Variants in RAB22A observed in about 807,000 individuals in gnomAD.
The protein encoded by RAB22A is ras-related protein Rab-22A.
Under a neutral mutation model 30.2 loss-of-function variants are expected in RAB22A, and 13 were observed. The observed-to-expected ratio is 0.43, with a 90% CI of 0.28 to 0.68. RAB22A has a LOEUF of 0.68. Ranked by LOEUF, RAB22A falls within the 30% of genes least tolerant of loss-of-function variation. The probability of loss-of-function intolerance (pLI) is 0.18; values close to 1 mark genes in which losing one functional copy is unlikely to be tolerated. For synonymous variants in RAB22A, 89 were observed against 87.2 expected (o/e 1.02, Z -0.11); for missense variants, 177 against 246.8 (o/e 0.72, Z 1.89).
intron 2 of RAB22A, among the ~76,000 whole-genome samples, chr20:58,336,311 C>T (rs913065061): frequency 2.7e-5 from 4 of 149,156 alleles, no homozygotes; most frequent in African/African-American, 7.4e-5. Flanking sequence ...GGCGCCCGGC[C>T]GCTGGTTTTT....
At chr20:58,338,801 C>T (rs1276983926) in intron 2 of RAB22A, among the ~76,000 whole-genome samples, 1 of 152,170 alleles carries the variant, frequency 6.6e-6, no homozygotes, top group Non-Finnish European at 1.5e-5. Flanking sequence ...CTTTTTATGT[C>T]TCAATCTTGG....
At chr20:58,333,307 A>AAATAAATAAATAAATCAATC (rs1193519347) in intron 2 of RAB22A, among the ~76,000 whole-genome samples, 2 of 151,652 alleles carry the variant, frequency 1.3e-5, no homozygotes, top group South Asian at 4.2e-4. Flanking sequence ...ATAAATAAAT[A>AAATAAATAAATAAATCAATC]AATCCCGCCA....
intron 2 of RAB22A, among the ~76,000 whole-genome samples, chr20:58,336,058 G>T (rs983794950): frequency 6.6e-6 from 1 of 152,126 alleles, no homozygotes; most frequent in Non-Finnish European, 1.5e-5. Flanking sequence ...CGCCCAGGGT[G>T]GAGTGCAGTG....
At position 58,310,590 on chromosome 20, in the gene RAB22A, C is replaced by T. The variant is rs150637154; in HGVS notation, c.37-453C>T. 3.3e-5 allele frequency among the ~76,000 whole-genome samples: 5 copies of T among 152,294 alleles called. No homozygotes were observed. The East Asian group carries it at 7.7e-4, about 24-fold the overall frequency. ...TTGTCAGGAAAGACAAGGTGTTGGC[C>T]ATTTCAAAGCCTTCTTTCTGAAATT... On this transcript the variant is annotated intron_variant, in intron 1 of 6. Transcript: ENST00000244040.
chr20:58,337,006 T>A (rs1986767879), intron 2 of RAB22A, among the ~76,000 whole-genome samples: 1 of 152,206 alleles, frequency 6.6e-6, no homozygotes, highest in Non-Finnish European at 1.5e-5. Context: ...TCCTCGCCCA[T>A]CTTCTCCCTC....
intron 2 of RAB22A, among the ~76,000 whole-genome samples, chr20:58,323,215 G>GGTAAA (rs1176703204): frequency 6.6e-6 from 1 of 151,888 alleles, no homozygotes; most frequent in Non-Finnish European, 1.5e-5. Flanking sequence ...TATGTTTAGT[G>GGTAAA]CAGTTTTATG....
chr20:58,311,685 T>C (rs1436656246), intron 2 of RAB22A, among the ~76,000 whole-genome samples: 1 of 152,248 alleles, frequency 6.6e-6, no homozygotes, highest in Non-Finnish European at 1.5e-5. Context: ...ACTAATCCTT[T>C]GACTACATAA....
intron 2 of RAB22A, among the ~76,000 whole-genome samples, chr20:58,322,390 A>C (rs183902390): frequency 1.8e-4 from 28 of 152,370 alleles, no homozygotes; most frequent in Non-Finnish European, 3.4e-4. Flanking sequence ...TACTAGCCAC[A>C]TGTTAAAATT....
chr20:58,324,606 C>T (rs1375147489), intron 2 of RAB22A, among the ~76,000 whole-genome samples: 1 of 152,166 alleles, frequency 6.6e-6, no homozygotes, highest in Non-Finnish European at 1.5e-5. Flanking sequence ...CAGTGGCTCA[C>T]GCCTGTAATC....
chr20:58,358,464 C>T (rs1469248423), intron 6 of RAB22A, among the ~76,000 whole-genome samples: 4 of 152,164 alleles, frequency 2.6e-5, no homozygotes, highest in African/African-American at 9.7e-5. Context: ...CACACATACT[C>T]GTAAGTTCAG....
intron 2 of RAB22A, among the ~76,000 whole-genome samples, chr20:58,326,101 G>C (rs1986565149): frequency 6.6e-6 from 1 of 151,822 alleles, no homozygotes; most frequent in Non-Finnish European, 1.5e-5. Flanking sequence ...CTAGGAATGT[G>C]TTTTGCCTTG....
chr20:58,353,204 T>C, intron 3 of RAB22A, 69 bp from the exon 4 acceptor site: 2 of 1,379,652 alleles, frequency 1.4e-6, no homozygotes, highest in Non-Finnish European at 1.0e-6. Context: ...ATAATGGGCT[T>C]ATAAATCTAG....
chr20:58,352,876 A>G (rs1394809730), intron 3 of RAB22A, among the ~76,000 whole-genome samples: 1 of 152,258 alleles, frequency 6.6e-6, no homozygotes, highest in East Asian at 1.9e-4. Context: ...TGACACCCAA[A>G]TGCAGCTACT....
At chr20:58,355,938 A>C (rs1445995276) in intron 6 of RAB22A, among the ~76,000 whole-genome samples, 1 of 152,238 alleles carries the variant, frequency 6.6e-6, no homozygotes, top group East Asian at 1.9e-4. Flanking sequence ...GCTCAAGCTA[A>C]AATGTCTAAG....
intron 2 of RAB22A, among the ~76,000 whole-genome samples, chr20:58,332,651 C>A (rs768749413): frequency 1.3e-5 from 2 of 152,052 alleles, no homozygotes; most frequent in African/African-American, 2.4e-5. Context: ...ATTGGCTTCC[C>A]TGAAAGAAAG....
intron 3 of RAB22A, among the ~76,000 whole-genome samples, chr20:58,351,067 CAG>C (rs1437956071): frequency 1.3e-5 from 2 of 152,180 alleles, no homozygotes; most frequent in East Asian, 1.9e-4. Context: ...AGTCCAGACA[CAG>C]GGGCTCACAC....
chr20:58,339,152 C>T (rs1043497513), intron 2 of RAB22A, among the ~76,000 whole-genome samples: 9 of 152,188 alleles, frequency 5.9e-5, no homozygotes, highest in African/African-American at 2.2e-4. Flanking sequence ...AAGTTCATGA[C>T]TACTTGGTGT....
chr20:58,313,113 G>T (rs1986263626), intron 2 of RAB22A, among the ~76,000 whole-genome samples: 1 of 152,108 alleles, frequency 6.6e-6, no homozygotes, highest in South Asian at 2.1e-4. Flanking sequence ...CAAATAAGAA[G>T]AGAGAAAAGT....
At chr20:58,327,118 C>A (rs1371892296) in intron 2 of RAB22A, among the ~76,000 whole-genome samples, 1 of 152,090 alleles carries the variant, frequency 6.6e-6, no homozygotes, top group Non-Finnish European at 1.5e-5. Flanking sequence ...TATAGTGAGA[C>A]CCTGTCTCCA....
Sources: allele counts gnomAD v4.1 joint callset (sites outside exome capture counted in the v4.1 genomes callset), GRCh38; gene constraint gnomAD v4.1.1; transcripts MANE v1.5; gene names NCBI Gene and HGNC (gene_info 2026-07-23, HGNC 2026-07-21).